The following DHODH variants were observed in gnomAD, a reference collection of about 807,000 sequenced individuals.
The protein encoded by DHODH is dihydroorotate dehydrogenase (quinone).
Under a neutral mutation model 39.7 loss-of-function variants are expected in DHODH, and 30 were observed. The observed-to-expected ratio is 0.76, with a 90% CI of 0.57 to 1.02. The LOEUF (loss-of-function observed/expected upper bound fraction) is 1.02, where lower values mean the gene tolerates loss of function less well. Among genes scored for constraint, DHODH ranks in the 50% least tolerant of loss-of-function variants. DHODH has a pLI of 0.00. For synonymous variants in DHODH, 222 were observed against 213.8 expected (o/e 1.04, Z -0.34); for missense variants, 531 against 520.8 (o/e 1.02, Z -0.19).
intron 3 of DHODH, chr16:72,015,542 C>A: frequency 4.3e-6 from 1 of 233,896 alleles, no homozygotes; most frequent in Non-Finnish European, 7.0e-6. Context: ...TTTCGATGGG[C>A]ATCTTTGGGG....
Position 72,021,110 on chromosome 16 carries a change from A to C in DHODH, c.518-14A>C, listed in dbSNP as rs2041208732. 1 of 1,597,734 alleles carries C rather than the reference A, an allele frequency of 6.3e-7. No homozygotes were observed. The highest frequency in any genetic ancestry group is 8.5e-7 in the Non-Finnish European group (1 of 1,171,772). ...GGGTGTGCGGGGTGCAGGCCTGACCAGCGATGTTTGCAGATGGACTGCCTC... is the reference window on the plus strand; with the variant it reads ...GGGTGTGCGGGGTGCAGGCCTGACCCGCGATGTTTGCAGATGGACTGCCTC... On this transcript the variant is annotated splice_polypyrimidine_tract_variant and intron_variant, in intron 4 of 8. Transcript: ENST00000219240.
chr16:72,015,578 A>C (rs907606300), intron 3 of DHODH: 1 of 562,476 alleles, frequency 1.8e-6, no homozygotes, highest in African/African-American at 2.0e-5. Context: ...TGGGAGACGG[A>C]CCTGTAGGAC....
chr16:72,012,042 T>C lies in DHODH; in HGVS notation c.22-8T>C. The C allele has an allele frequency of 6.2e-7, 1 of 1,613,980 alleles. No homozygotes were observed. Among genetic ancestry groups the C allele is most frequent in the South Asian group, 1.1e-5 (1 of 91,078 alleles). ...TGGGGGACCCCCCTAATATGCTCTT[T>C]TTTGCAGAAGCGGGCCCAGGATGCT... On this transcript the variant is annotated splice_region_variant and splice_polypyrimidine_tract_variant and intron_variant, in intron 1 of 8. Transcript: ENST00000219240.
Position 72,023,305 on chromosome 16 carries a change from T to C in DHODH, c.960T>C (p.Tyr320=), listed in dbSNP as rs1260830663. 1.2e-6 allele frequency: 2 copies of C among 1,614,070 alleles called. No individual in the cohort carries two copies. The highest frequency in any genetic ancestry group is 2.2e-5 in the East Asian group (1 of 44,896). The change falls in exon 7 of 9, where the codon TAT becomes TAC. Residue 320 remains tyrosine, a synonymous_variant. Transcript: ENST00000219240. ...CAACTCAAACCATTCGGGAGATGTA[T>C]GCACTCACCCAAGGCAAGGTTTCCC... ...DLSTQTIREM[Y]ALTQGRVPII...
chr16:72,011,972 T>A, intron 1 of DHODH, 78 bp from the exon 2 acceptor site: 1 of 1,176,824 alleles, frequency 8.5e-7, no homozygotes, highest in Non-Finnish European at 1.3e-6. Flanking sequence ...ATGCCCTCTG[T>A]GTACCTGGGT....
rs2041281722 is a variant in DHODH, at chr16:72,026,986, TGTGTGTGTGTGTGTGTGTG to T, written c.*2788_*2806del. 6.9e-6 allele frequency: 1 copy of T among 145,084 alleles called. No homozygotes were observed. The highest frequency in any genetic ancestry group is 1.5e-5 in the Non-Finnish European group (1 of 65,046). The allele number at this position is 145,084 out of a possible 1,614,324, so 9.0% of individuals were successfully genotyped here. On this transcript the variant is annotated 3_prime_UTR_variant, in exon 9 of 9. Transcript: ENST00000219240. ...GTGTGTGTGTGTGTGTGTGTGTGTG[TGTGTGTGTGTGTGTGTGTG>T]TGTGTTTTTGAGATGGAGTCCTGCT... is the stretch of plus-strand genomic sequence containing the variant.
At chr16:72,015,967 A>C in intron 3 of DHODH, 1 of 743,558 alleles carries the variant, frequency 1.3e-6, no homozygotes, top group Non-Finnish European at 1.6e-6. Context: ...AAAGTGGCTT[A>C]AACAACAGGC....
intron 4 of DHODH, chr16:72,020,441 A>T (rs997618268): frequency 6.8e-6 from 1 of 146,102 alleles, no homozygotes; most frequent in Non-Finnish European, 1.5e-5. Flanking sequence ...CAGTGGCGCG[A>T]TCACGGTTCA....
intron 1 of DHODH, 146 bp from the exon 2 acceptor site, chr16:72,011,904 C>T: frequency 1.5e-6 from 1 of 653,222 alleles, no homozygotes. Flanking sequence ...CAGCCTCTGA[C>T]TGTAGAGACC....
intron 5 of DHODH, among the ~76,000 whole-genome samples, chr16:72,021,695 G>A (rs1200009173): frequency 1.3e-5 from 2 of 152,174 alleles, no homozygotes; most frequent in African/African-American, 4.8e-5. Flanking sequence ...GGACACCGTG[G>A]CTCATGCCTG....
At chr16:72,022,741 T>G (rs2041234564) in intron 6 of DHODH, among the ~76,000 whole-genome samples, 1 of 152,198 alleles carries the variant, frequency 6.6e-6, no homozygotes, top group African/African-American at 2.4e-5. Flanking sequence ...CCTTGGCCAG[T>G]CTTGACTGGG....
At chr16:72,017,930 C>T (rs890534761) in intron 4 of DHODH, among the ~76,000 whole-genome samples, 2 of 152,128 alleles carry the variant, frequency 1.3e-5, no homozygotes, top group South Asian at 4.1e-4. Context: ...CGCCGCCACA[C>T]CCAGCTAATT....
rs1373981566 is a variant in DHODH at position 72,027,637 on chromosome 16, G to GTCT, written c.*3439_*3440insCTT. 2 of 152,140 alleles carry GTCT rather than the reference G, an allele frequency of 1.3e-5. No homozygotes were observed. Among genetic ancestry groups the GTCT allele is most frequent in the Non-Finnish European group, 2.9e-5 (2 of 68,030 alleles). 9.4% of individuals were successfully genotyped at this position (152,140 alleles called of 1,614,324 possible). On this transcript the variant is annotated 3_prime_UTR_variant, in exon 9 of 9. Transcript: ENST00000219240. ...GTCTTTGCTTGCCAATTTCATATCA[G>GTCT]TTAAATATAAGCAGTAAGCTAATCC...
chr16:72,017,436 C>A (rs2041154003), intron 4 of DHODH, among the ~76,000 whole-genome samples: 1 of 152,164 alleles, frequency 6.6e-6, no homozygotes, highest in Non-Finnish European at 1.5e-5. Context: ...GAATGTCATC[C>A]TCCCGTGGCC....
chr16:72,014,929 A>G (rs1289138722), intron 3 of DHODH, among the ~76,000 whole-genome samples: 2 of 152,198 alleles, frequency 1.3e-5, no homozygotes, highest in Non-Finnish European at 2.9e-5. Context: ...GGTCACGGAG[A>G]TAATAAGCAG....
At position 72,021,227 on chromosome 16, in the gene DHODH, C is replaced by G. The variant is rs2041212300; in HGVS notation, c.621C>G (p.Tyr207Ter). ...GVRVLGPLAD[Y>*]LVVNVSSPNT... ...GCGTACTGGGCCCCCTGGCCGACTACCTGGTGGTGAATGTGTCCAGCCCCA... is the reference window on the plus strand; with the variant it reads ...GCGTACTGGGCCCCCTGGCCGACTAGCTGGTGGTGAATGTGTCCAGCCCCA... Residue 207 changes from tyrosine (Y) to a stop codon, truncating the protein, a stop_gained, in exon 5 of 9, where the codon TAC becomes TAG. Coordinates refer to ENST00000219240, the MANE Select transcript of DHODH (RefSeq NM_001361.5). LOFTEE classifies it high-confidence loss of function. The G allele has an allele frequency of 6.2e-7, 1 of 1,612,898 alleles. No individual in the cohort carries two copies. Among genetic ancestry groups the G allele is most frequent in the Non-Finnish European group, 8.5e-7 (1 of 1,179,650 alleles).
rs2144006194 is a variant in DHODH at position 72,024,174 on chromosome 16, C to T, written c.1163C>T (p.Ala388Val). ...KEQGFGGVTD[A>V]IGADHRR ...CAGGGCTTTGGCGGAGTCACAGATG[C>T]CATTGGAGCAGATCATCGGAGGTGA... The change falls in exon 9 of 9, where the codon GCC becomes GTC. Residue 388 changes from alanine to valine, a missense_variant. Ala to Val is a moderately conservative substitution (Grantham distance 64). Transcript: ENST00000219240. 2.5e-6 allele frequency: 4 copies of T among 1,614,150 alleles called. No homozygotes were observed. The highest frequency in any genetic ancestry group is 1.3e-5 in the African/African-American group (1 of 75,024).
chr16:72,008,801 G>T lies in DHODH; in HGVS notation c.21+16G>T, dbSNP rs945160096. 1.0e-5 allele frequency: 16 copies of T among 1,552,256 alleles called. No individual in the cohort carries two copies. The highest frequency in any genetic ancestry group is 1.4e-5 in the Non-Finnish European group (16 of 1,147,314). ...ACACCTGAAAGTGAGTCCCGCGAGT[G>T]AGCAGTGTGGATGGGGGACCAGGGA... On this transcript the variant is annotated intron_variant, in intron 1 of 8. Coordinates refer to ENST00000219240, the MANE Select transcript of DHODH (RefSeq NM_001361.5).
chr16:72,017,206 T>G, intron 4 of DHODH, 100 bp downstream of exon 4: 2 of 1,268,110 alleles, frequency 1.6e-6, no homozygotes, highest in Non-Finnish European at 2.3e-6. Context: ...GATTGAGCAA[T>G]AGCAAAAACC....
Sources: allele counts gnomAD v4.1 joint callset (sites outside exome capture counted in the v4.1 genomes callset), GRCh38; gene constraint gnomAD v4.1.1; transcripts MANE v1.5; gene names NCBI Gene and HGNC (gene_info 2026-07-23, HGNC 2026-07-21).